SEMA6A: variants seen among roughly 807,000 people sequenced by gnomAD.
SEMA6A encodes the protein semaphorin-6A.
In SEMA6A, 25 loss-of-function variants were observed where a neutral mutation model predicts 96.8. That is an observed-to-expected ratio of 0.26 (90% CI 0.19 to 0.36). The LOEUF (loss-of-function observed/expected upper bound fraction) is 0.36. Ranked by LOEUF, SEMA6A falls within the 10% of genes least tolerant of loss-of-function variation. The pLI is 1.00. For missense variants in SEMA6A, 1,363 were observed against 1,323.1 expected (o/e 1.03, Z -0.47); for synonymous variants, 612 against 518.0 (o/e 1.18, Z -2.46).
At chr5:116,504,272 T>G (rs1161177168) in intron 2 of SEMA6A, among the ~76,000 whole-genome samples, 1 of 152,210 alleles carries the variant, frequency 6.6e-6, no homozygotes, top group Non-Finnish European at 1.5e-5. Context: ...TCTCCTCTTT[T>G]GAGGAGACAG....
In SEMA6A at chr5:116,446,107, T is replaced by C. The variant is rs995143442; in HGVS notation, c.*506A>G. Reference sequence around the variant, plus strand: ...TGAGTTAGAATTATCAATGAATTCTTTTTTTTTTGTCTTTTTAAATTTTCT... The same window carrying C: ...TGAGTTAGAATTATCAATGAATTCTCTTTTTTTTGTCTTTTTAAATTTTCT... On this transcript the variant is annotated 3_prime_UTR_variant, in exon 19 of 19. Coordinates refer to ENST00000343348, the MANE Select transcript of SEMA6A (RefSeq NM_020796.5). The C allele has an allele frequency of 6.6e-6, 1 of 151,926 alleles. No homozygotes were observed. The highest frequency in any genetic ancestry group is 2.4e-5 in the African/African-American group (1 of 41,268). 9.4% of individuals were successfully genotyped at this position (151,926 alleles called of 1,614,324 possible).
intron 1 of SEMA6A, among the ~76,000 whole-genome samples, chr5:116,555,994 T>C (rs1043929232): frequency 1.3e-5 from 2 of 152,116 alleles, no homozygotes; most frequent in African/African-American, 4.8e-5. Context: ...AAATACTTGA[T>C]ATTATGACCT....
At chr5:116,457,871 C>T (rs1254364877) in intron 18 of SEMA6A, among the ~76,000 whole-genome samples, 1 of 152,092 alleles carries the variant, frequency 6.6e-6, no homozygotes, top group Non-Finnish European at 1.5e-5. Context: ...CTCCCTGGAA[C>T]CAACAAATGA....
At chr5:116,481,830 A>G (rs1015431655) in intron 11 of SEMA6A, among the ~76,000 whole-genome samples, 1 of 152,160 alleles carries the variant, frequency 6.6e-6, no homozygotes, top group Admixed American at 6.5e-5. Flanking sequence ...CCTCTGGACC[A>G]TAGTATCCCA....
chr5:116,535,180 C>G (rs1355699265), intron 1 of SEMA6A, among the ~76,000 whole-genome samples: 2 of 152,108 alleles, frequency 1.3e-5, no homozygotes, highest in East Asian at 3.9e-4. Context: ...AGCACAAAAG[C>G]CTGGAAGGAG....
intron 18 of SEMA6A, among the ~76,000 whole-genome samples, chr5:116,448,797 G>C (rs1487864375): frequency 2.0e-5 from 3 of 147,914 alleles, no homozygotes; most frequent in African/African-American, 7.4e-5. Flanking sequence ...TCAATTTCAG[G>C]TAACTATCCT....
intron 15 of SEMA6A, 97 bp from the exon 16 acceptor site, chr5:116,475,700 G>T: frequency 1.2e-6 from 1 of 801,316 alleles, no homozygotes; most frequent in Non-Finnish European, 2.0e-6. Flanking sequence ...AACACAGTTT[G>T]ATAAATTGAG....
At chr5:116,523,149 G>A (rs1759038694) in intron 1 of SEMA6A, among the ~76,000 whole-genome samples, 3 of 152,148 alleles carry the variant, frequency 2.0e-5, no homozygotes, top group South Asian at 4.2e-4. Flanking sequence ...AACTAACACT[G>A]AGCTAAGCAC....
chr5:116,495,852 T>G (rs777567650), intron 5 of SEMA6A: 46 of 341,188 alleles, frequency 1.3e-4, no homozygotes, highest in Non-Finnish European at 2.4e-4. Context: ...CTGGTTGAAG[T>G]GTGTTTTTAT....
In SEMA6A at chr5:116,495,480, T is replaced by A. The variant is rs187269294; in HGVS notation, c.377A>T (p.Lys126Met). Residue 126 changes from lysine (K) to methionine (M), a missense_variant, in exon 6 of 19, where the codon AAG becomes ATG. Transcript: ENST00000343348. ...GACAAACAATGCATCATCGTTTTTC[T>A]TTAGAAGAACTTTAATAAAGTTGTG... is the stretch of plus-strand genomic sequence containing the variant. The part of the protein sequence containing the change: ...ECHNFIKVLL[K>M]KNDDALFVCG... 6.2e-7 allele frequency: 1 copy of A among 1,607,100 alleles called. No individual in the cohort carries two copies.
At chr5:116,556,059 T>C (rs370464918) in intron 1 of SEMA6A, among the ~76,000 whole-genome samples, 26 of 152,012 alleles carry the variant, frequency 1.7e-4, no homozygotes, top group African/African-American at 6.0e-4. Context: ...CAAGGCACCA[T>C]GGGCCTGATA....
chr5:116,494,308 A>G (rs919477617), intron 6 of SEMA6A, among the ~76,000 whole-genome samples: 5 of 152,122 alleles, frequency 3.3e-5, no homozygotes, highest in Non-Finnish European at 5.9e-5. Context: ...CATTTGGCTA[A>G]CTTCTCCTTA....
chr5:116,466,009 AGAGCAGG>A (rs1755709450), intron 18 of SEMA6A, among the ~76,000 whole-genome samples: 1 of 151,006 alleles, frequency 6.6e-6, no homozygotes, highest in Admixed American at 6.6e-5. Context: ...CGGGATGGAA[AGAGCAGG>A]GAATCCCTCA....
At chr5:116,517,061 T>C (rs142599755) in intron 1 of SEMA6A, among the ~76,000 whole-genome samples, 1 of 152,312 alleles carries the variant, frequency 6.6e-6, no homozygotes, top group East Asian at 1.9e-4. Flanking sequence ...CAATTTCTTA[T>C]CTGCAATTAC....
At chr5:116,505,638 C>G (rs13176169) in intron 1 of SEMA6A, among the ~76,000 whole-genome samples, 1 of 152,158 alleles carries the variant, frequency 6.6e-6, no homozygotes, top group Non-Finnish European at 1.5e-5. Flanking sequence ...CTTTCACACT[C>G]TGAAGATTAC....
intron 18 of SEMA6A, among the ~76,000 whole-genome samples, chr5:116,464,499 T>C (rs767199176): frequency 7.2e-5 from 11 of 152,236 alleles, no homozygotes; most frequent in African/African-American, 2.7e-4. Context: ...TTCCGCGTGC[T>C]GTGCAGGTCT....
intron 1 of SEMA6A, among the ~76,000 whole-genome samples, chr5:116,569,751 A>G (rs1165282854): frequency 4.6e-5 from 7 of 152,146 alleles, no homozygotes; most frequent in African/African-American, 1.7e-4. Flanking sequence ...GGAGAACTAA[A>G]TTTGGGGGCC....
At chr5:116,573,404 C>T (rs1281691687) in intron 1 of SEMA6A, among the ~76,000 whole-genome samples, 2 of 147,896 alleles carry the variant, frequency 1.4e-5, no homozygotes, top group Middle Eastern at 3.2e-3. Context: ...AGGGACGCAG[C>T]CGCGACGGGC....
chr5:116,548,441 C>A (rs893766856), intron 1 of SEMA6A, among the ~76,000 whole-genome samples: 1 of 152,134 alleles, frequency 6.6e-6, no homozygotes, highest in African/African-American at 2.4e-5. Context: ...GTGAATACAT[C>A]TCAGGGTTTC....
Sources: gnomAD v4.1 joint callset for allele counts (sites outside exome capture counted in the v4.1 genomes callset) on GRCh38, gnomAD v4.1.1 for gene constraint, MANE v1.5 for transcripts, NCBI Gene and HGNC (gene_info 2026-07-23, HGNC 2026-07-21) for gene names.